TESK2: variants seen among roughly 807,000 people sequenced by gnomAD.
TESK2 encodes dual specificity testis-specific protein kinase 2.
Under a neutral mutation model 57.1 loss-of-function variants are expected in TESK2, and 39 were observed. The observed-to-expected ratio is 0.68, with a 90% confidence interval of 0.53 to 0.89. TESK2 has a LOEUF of 0.89. Ranked by LOEUF, TESK2 falls within the 40% of genes least tolerant of loss-of-function variation. TESK2 has a pLI of 0.00. For synonymous variants in TESK2, 249 were observed against 267.9 expected (o/e 0.93, Z 0.69); for missense variants, 646 against 732.1 (o/e 0.88, Z 1.36).
Position 45,421,577 on chromosome 1 carries a change from A to C in TESK2, c.344+148T>G, listed in dbSNP as rs1650479325. 8.9e-6 allele frequency: 10 copies of C among 1,125,502 alleles called. No homozygotes were observed. The Admixed American group carries it at 1.4e-4, about 16-fold the overall frequency. The allele number at this position is 1,125,502 out of a possible 1,614,324, so 69.7% of individuals were successfully genotyped here. A position where few individuals can be genotyped will look rare whatever the true frequency, so the allele number is the denominator to read the frequency against. ...CAATAAATTAAGTCTCAATGGGTAG[A>C]AAACGACCTAGAGTACCACTAAACC... On this transcript the variant is annotated intron_variant, in intron 3 of 10. Transcript: ENST00000372086.
At chr1:45,415,071 T>C in intron 3 of TESK2, 2 of 1,353,782 alleles carry the variant, frequency 1.5e-6, no homozygotes, top group South Asian at 2.3e-5. Flanking sequence ...CAGCGAGCCC[T>C]TGGGCCACGT....
intron 4 of TESK2, among the ~76,000 whole-genome samples, chr1:45,361,707 C>T (rs1230675490): frequency 1.3e-5 from 2 of 152,088 alleles, no homozygotes; most frequent in Non-Finnish European, 2.9e-5. Flanking sequence ...AATCATATGC[C>T]AACATCTTTT....
At chr1:45,361,081 G>GGC (rs1437179805) in intron 4 of TESK2, among the ~76,000 whole-genome samples, 24 of 152,198 alleles carry the variant, frequency 1.6e-4, no homozygotes, top group Non-Finnish European at 2.2e-4. Context: ...GCCTCCCAAA[G>GGC]TGCTAGGATT....
intron 2 of TESK2, among the ~76,000 whole-genome samples, chr1:45,424,411 T>C (rs1017230957): frequency 2.6e-5 from 4 of 152,206 alleles, no homozygotes; most frequent in African/African-American, 7.2e-5. Context: ...TCTCCTCTCC[T>C]AGATCACTGA....
chr1:45,450,442 G>A (rs1651824409), intron 2 of TESK2, among the ~76,000 whole-genome samples: 1 of 152,126 alleles, frequency 6.6e-6, no homozygotes, highest in African/African-American at 2.4e-5. Flanking sequence ...AACCCGGGAG[G>A]TCGAGGCTGC....
intron 1 of TESK2, among the ~76,000 whole-genome samples, chr1:45,478,773 G>A (rs1570772709): frequency 6.6e-6 from 1 of 151,682 alleles, no homozygotes; most frequent in Non-Finnish European, 1.5e-5. Context: ...GCTCAGGCTG[G>A]AGAGCAGTGG....
intron 1 of TESK2, among the ~76,000 whole-genome samples, chr1:45,477,081 T>TAAAAAAA (rs1653029210): frequency 1.4e-5 from 1 of 73,798 alleles, no homozygotes; most frequent in Non-Finnish European, 2.7e-5. Context: ...ATACAAAAAT[T>TAAAAAAA]AGCCAGGCGC....
At chr1:45,409,714 G>C (rs1024546383) in intron 3 of TESK2, among the ~76,000 whole-genome samples, 1 of 152,168 alleles carries the variant, frequency 6.6e-6, no homozygotes, top group Non-Finnish European at 1.5e-5. Flanking sequence ...TTGATGGTTT[G>C]AAATAGGGTG....
At chr1:45,424,091 C>T (rs955152112) in intron 2 of TESK2, among the ~76,000 whole-genome samples, 5 of 152,198 alleles carry the variant, frequency 3.3e-5, no homozygotes, top group African/African-American at 1.2e-4. Flanking sequence ...GCAAAAATGT[C>T]ATCATCCTAC....
rs563156194 is a variant in TESK2 at position 45,404,606 on chromosome 1, C to T, written c.344+17119G>A. ...TCACCCAGGCTGGATTGCAGTGGCG[C>T]GATCTTGGCTCACTGCAACCTCCAC... is the stretch of plus-strand genomic sequence containing the variant. On this transcript the variant is annotated intron_variant, in intron 3 of 10. Coordinates refer to ENST00000372086, the MANE Select transcript of TESK2 (RefSeq NM_007170.3). Among the ~76,000 whole-genome samples, 9 of 151,086 alleles carry T rather than the reference C, an allele frequency of 6.0e-5. No individual in the cohort carries two copies. The South Asian group carries it at 6.3e-4, about 11-fold the overall frequency.
intron 9 of TESK2, 22 bp from the exon 10 acceptor site, chr1:45,346,016 A>T: frequency 6.4e-7 from 1 of 1,568,628 alleles, no homozygotes; most frequent in South Asian, 1.1e-5. Flanking sequence ...CACAACAGCC[A>T]TGAGCTCTGC....
chr1:45,477,103 C>A (rs1347025344), intron 1 of TESK2, among the ~76,000 whole-genome samples: 1 of 148,550 alleles, frequency 6.7e-6, no homozygotes, highest in Non-Finnish European at 1.5e-5. Context: ...GTGGCACATG[C>A]CTGTAATTCC....
chr1:45,433,806 T>C (rs554106963), intron 2 of TESK2, among the ~76,000 whole-genome samples: 53 of 152,314 alleles, frequency 3.5e-4, no homozygotes, highest in African/African-American at 1.2e-3. Context: ...TACCCACTAA[T>C]GAGATTGCTG....
At chr1:45,385,289 G>C in intron 4 of TESK2, 2 of 980,980 alleles carry the variant, frequency 2.0e-6, no homozygotes, top group Non-Finnish European at 2.4e-6. Flanking sequence ...TTGATAACTT[G>C]GTACCTGAAT....
intron 1 of TESK2, among the ~76,000 whole-genome samples, chr1:45,466,068 C>T (rs779207777): frequency 1.3e-5 from 2 of 152,088 alleles, no homozygotes; most frequent in Non-Finnish European, 2.9e-5. Context: ...ACTAATCGGG[C>T]ATGGTGCCTT....
intron 3 of TESK2, among the ~76,000 whole-genome samples, chr1:45,407,719 T>C (rs552953864): frequency 3.1e-4 from 47 of 152,320 alleles, no homozygotes; most frequent in African/African-American, 1.1e-3. Flanking sequence ...TTTTCCTTCA[T>C]CTTTTGCCAT....
chr1:45,487,003 T>G (rs1258229044), intron 1 of TESK2, among the ~76,000 whole-genome samples: 1 of 151,584 alleles, frequency 6.6e-6, no homozygotes, highest in Non-Finnish European at 1.5e-5. Flanking sequence ...TTGTATTTTT[T>G]TTTTCAGTAG....
At chr1:45,396,076 G>C (rs1227077535) in intron 3 of TESK2, among the ~76,000 whole-genome samples, 1 of 152,042 alleles carries the variant, frequency 6.6e-6, no homozygotes, top group Non-Finnish European at 1.5e-5. Flanking sequence ...CTGGGCTCAA[G>C]TGATTCTTCA....
chr1:45,414,997 C>T (rs12097497), intron 3 of TESK2: 190,978 of 775,646 alleles, frequency 0.25, 23,968 homozygotes, highest in East Asian at 0.35. Flanking sequence ...CTGCTGCCAC[C>T]GCCAGGAGCC....
Sources: allele counts gnomAD v4.1 joint callset (sites outside exome capture counted in the v4.1 genomes callset), GRCh38; gene constraint gnomAD v4.1.1; transcripts MANE v1.5; gene names NCBI Gene and HGNC (gene_info 2026-07-23, HGNC 2026-07-21).